The following SLC24A2 variants were observed in gnomAD, a reference collection of about 807,000 sequenced individuals.
SLC24A2 encodes sodium/potassium/calcium exchanger 2.
A neutral mutation model predicts 62.0 loss-of-function variants in SLC24A2; 36 were observed. The ratio of observed to expected loss-of-function variants is 0.58; its 90% confidence interval spans 0.44 to 0.77. The LOEUF is 0.77. SLC24A2 is among the 30% of genes least tolerant of loss of function. SLC24A2 has a pLI of 0.00. For synonymous variants in SLC24A2, 358 were observed against 294.0 expected (o/e 1.22, Z -2.23); for missense variants, 846 against 817.9 (o/e 1.03, Z -0.42).
chr9:20,303,510 G>A, the SLC24A2 span, among the ~76,000 whole-genome samples: 4 of 151,994 alleles, frequency 2.6e-5, no homozygotes, highest in African/African-American at 7.3e-5. Context: ...TAGTTCCCAC[G>A]TTCTGACAGC....
the SLC24A2 span, among the ~76,000 whole-genome samples, chr9:19,885,955 T>C: frequency 6.6e-6 from 1 of 152,212 alleles, no homozygotes; most frequent in Non-Finnish European, 1.5e-5. Context: ...TGCATAGTAT[T>C]CTATGGTGTA....
At chr9:20,051,499 G>C in the SLC24A2 span, among the ~76,000 whole-genome samples, 1 of 151,784 alleles carries the variant, frequency 6.6e-6, no homozygotes, top group Non-Finnish European at 1.5e-5. Flanking sequence ...TCATATCATG[G>C]ACATACAGAG....
At chr9:19,773,060 C>CA (rs1333846184) in intron 2 of SLC24A2, among the ~76,000 whole-genome samples, 2 of 152,094 alleles carry the variant, frequency 1.3e-5, no homozygotes, top group Non-Finnish European at 2.9e-5. Flanking sequence ...GCAGCCAGTG[C>CA]AAAAAGCCAC....
At chr9:19,850,223 C>T in the SLC24A2 span, among the ~76,000 whole-genome samples, 8 of 151,846 alleles carry the variant, frequency 5.3e-5, no homozygotes, top group Non-Finnish European at 8.8e-5. Context: ...GATAAAGTAG[C>T]ATACAGTATT....
chr9:20,213,525 A>G, the SLC24A2 span, among the ~76,000 whole-genome samples: 1 of 152,202 alleles, frequency 6.6e-6, no homozygotes, highest in Non-Finnish European at 1.5e-5. Context: ...ATATTCACAC[A>G]TAAAATAATA....
Position 19,639,900 on chromosome 9 carries a change from T to A in SLC24A2, c.931-17601A>T, listed in dbSNP as rs374441515. On this transcript the variant is annotated intron_variant, in intron 2 of 10. Coordinates refer to ENST00000341998, the MANE Select transcript of SLC24A2 (RefSeq NM_020344.4). ...GGAAAGACTAAGAGAAAGAAAACAG[T>A]TTTTTGTTAACTTGGAAAACCTACA... 4.8e-4 allele frequency among the ~76,000 whole-genome samples: 73 copies of A among 152,142 alleles called. 1 individual carries two copies. Among genetic ancestry groups the A allele is most frequent in the Middle Eastern group, 3.4e-3 (1 of 292 alleles).
the SLC24A2 span, among the ~76,000 whole-genome samples, chr9:19,950,688 C>A: frequency 1.3e-5 from 2 of 152,156 alleles, no homozygotes; most frequent in African/African-American, 2.4e-5. Context: ...AAATCACCCC[C>A]CTCATGAAGT....
chr9:20,050,151 T>A, the SLC24A2 span, among the ~76,000 whole-genome samples: 1 of 150,904 alleles, frequency 6.6e-6, no homozygotes, highest in African/African-American at 2.4e-5. Context: ...AACATCAGAA[T>A]TGTCACTCTC....
chr9:19,857,807 C>T, the SLC24A2 span, among the ~76,000 whole-genome samples: 4 of 151,328 alleles, frequency 2.6e-5, no homozygotes, highest in African/African-American at 9.7e-5. Flanking sequence ...TACAGACAGA[C>T]TCATATCATC....
chr9:19,787,829 A>G (rs1823221048), intron 1 of SLC24A2, among the ~76,000 whole-genome samples: 1 of 152,198 alleles, frequency 6.6e-6, no homozygotes, highest in African/African-American at 2.4e-5. Context: ...ATTTCGAGAG[A>G]CCACATGTGT....
the SLC24A2 span, among the ~76,000 whole-genome samples, chr9:20,099,274 T>C: frequency 5.3e-5 from 8 of 152,322 alleles, no homozygotes; most frequent in African/African-American, 9.6e-5. Flanking sequence ...CTTGATAATG[T>C]CCCCTGCCTA....
the SLC24A2 span, among the ~76,000 whole-genome samples, chr9:19,810,389 C>T: frequency 1.3e-5 from 2 of 152,158 alleles, no homozygotes; most frequent in Non-Finnish European, 2.9e-5. Flanking sequence ...AGAGACTAGT[C>T]TTTTTAAAAG....
chr9:19,704,320 T>C (rs1411901464), intron 2 of SLC24A2, among the ~76,000 whole-genome samples: 1 of 152,152 alleles, frequency 6.6e-6, no homozygotes, highest in East Asian at 1.9e-4. Context: ...CATAATTAGT[T>C]CCATATGATA....
In SLC24A2 at chr9:19,516,056, T is replaced by A; in HGVS notation, c.*97A>T. The A allele has an allele frequency of 6.8e-7, 1 of 1,470,516 alleles. No individual in the cohort carries two copies. The highest frequency in any genetic ancestry group is 9.5e-7 in the Non-Finnish European group (1 of 1,050,876). The allele number at this position is 1,470,516 out of a possible 1,614,324, so 91.1% of individuals were successfully genotyped here. ...AGGAGGGACACTTGGCACCCAGGGCTGTGTGCCAGCTGCCTCTTCTCAAGA... is the reference window on the plus strand; with the variant it reads ...AGGAGGGACACTTGGCACCCAGGGCAGTGTGCCAGCTGCCTCTTCTCAAGA... On this transcript the variant is annotated 3_prime_UTR_variant, in exon 11 of 11. Transcript: ENST00000341998.
the SLC24A2 span, among the ~76,000 whole-genome samples, chr9:20,135,487 A>T: frequency 6.6e-6 from 1 of 152,052 alleles, no homozygotes; most frequent in African/African-American, 2.4e-5. Flanking sequence ...GGGGTAAGTA[A>T]TTGCAGAGAG....
the SLC24A2 span, among the ~76,000 whole-genome samples, chr9:19,983,664 T>G: frequency 3.9e-5 from 6 of 152,034 alleles, no homozygotes; most frequent in Non-Finnish European, 5.9e-5. Context: ...AAAAAATGTT[T>G]TATTTTTTCA....
At chr9:20,158,136 A>G in the SLC24A2 span, among the ~76,000 whole-genome samples, 2 of 151,788 alleles carry the variant, frequency 1.3e-5, no homozygotes, top group Non-Finnish European at 2.9e-5. Flanking sequence ...ATATGGAAAG[A>G]AACAGGAAGA....
chr9:19,559,020 G>A (rs542765865), intron 7 of SLC24A2, among the ~76,000 whole-genome samples: 3 of 152,296 alleles, frequency 2.0e-5, no homozygotes, highest in East Asian at 1.9e-4. Flanking sequence ...CAAGCCCAAG[G>A]CTGTCTTAAA....
At chr9:19,669,388 A>G (rs1188562095) in intron 2 of SLC24A2, among the ~76,000 whole-genome samples, 1 of 152,206 alleles carries the variant, frequency 6.6e-6, no homozygotes, top group Non-Finnish European at 1.5e-5. Flanking sequence ...TGCACTGGGT[A>G]GTCTCACAAA....
Sources: allele counts gnomAD v4.1 joint callset (sites outside exome capture counted in the v4.1 genomes callset), GRCh38; gene constraint gnomAD v4.1.1; transcripts MANE v1.5; gene names NCBI Gene and HGNC (gene_info 2026-07-23, HGNC 2026-07-21).